PLCZ1: variants seen among roughly 807,000 people sequenced by gnomAD.
PLCZ1 encodes the protein 1-phosphatidylinositol 4,5-bisphosphate phosphodiesterase zeta-1.
Under a neutral mutation model 76.8 loss-of-function variants are expected in PLCZ1, and 64 were observed. That is an observed-to-expected ratio of 0.83 (90% CI 0.68 to 1.03). The LOEUF (loss-of-function observed/expected upper bound fraction) is 1.03, where lower values mean the gene tolerates loss of function less well. Among genes scored for constraint, PLCZ1 ranks in the 50% least tolerant of loss-of-function variants. The pLI is 0.00. For missense variants in PLCZ1, 751 were observed against 713.7 expected (o/e 1.05, Z -0.60); for synonymous variants, 248 against 230.8 (o/e 1.07, Z -0.68).
chr12:18,672,257 A>G, the PLCZ1 span, among the ~76,000 whole-genome samples: 1 of 152,288 alleles, frequency 6.6e-6, no homozygotes, highest in East Asian at 1.9e-4. Context: ...AGAAAATACA[A>G]CTGTCTTATT....
intron 7 of PLCZ1, among the ~76,000 whole-genome samples, chr12:18,703,768 T>C (rs1956241709): frequency 6.6e-6 from 1 of 152,218 alleles, no homozygotes; most frequent in Admixed American, 6.5e-5. Context: ...TACTATTCTT[T>C]GCTGTCTTGT....
chr12:18,668,801 C>A, the PLCZ1 span, among the ~76,000 whole-genome samples: 17 of 152,146 alleles, frequency 1.1e-4, no homozygotes, highest in Non-Finnish European at 2.5e-4. Flanking sequence ...CAGGCCTGCC[C>A]AGCTCTGATA....
At chr12:18,719,006 G>C (rs1958274618) in intron 5 of PLCZ1, among the ~76,000 whole-genome samples, 1 of 152,132 alleles carries the variant, frequency 6.6e-6, no homozygotes, top group Non-Finnish European at 1.5e-5. Context: ...GTTGTACAAT[G>C]TACTGTATTT....
chr12:18,736,053 C>T, intron 3 of PLCZ1, 168 bp downstream of exon 3: 1 of 703,160 alleles, frequency 1.4e-6, no homozygotes, highest in Non-Finnish European at 2.2e-6. Context: ...CAGATTTTCT[C>T]AACAACTAAT....
chr12:18,703,732 C>T (rs946098424), intron 7 of PLCZ1, among the ~76,000 whole-genome samples: 52 of 152,166 alleles, frequency 3.4e-4, no homozygotes, highest in African/African-American at 1.2e-3. Context: ...ACAATTTTCA[C>T]TTTTTCCCAC....
intron 7 of PLCZ1, among the ~76,000 whole-genome samples, chr12:18,703,567 T>C (rs868366723): frequency 1.3e-5 from 2 of 152,312 alleles, no homozygotes; most frequent in African/African-American, 2.4e-5. Context: ...ACCTTAGAGA[T>C]AGAGAACCTT....
chr12:18,650,736 A>C, the PLCZ1 span, among the ~76,000 whole-genome samples: 10 of 29,524 alleles, frequency 3.4e-4, no homozygotes, highest in South Asian at 1.4e-3. Context: ...ATATATATAT[A>C]TATATATATA....
At chr12:18,737,223 G>T in intron 2 of PLCZ1, 138 bp downstream of exon 2, 1 of 931,820 alleles carries the variant, frequency 1.1e-6, no homozygotes, top group Admixed American at 1.9e-5. Flanking sequence ...GAAAAGCTCA[G>T]AACAAACAGG....
intron 10 of PLCZ1, among the ~76,000 whole-genome samples, chr12:18,696,850 T>A (rs1955131250): frequency 1.3e-5 from 2 of 152,148 alleles, no homozygotes; most frequent in Admixed American, 1.3e-4. Context: ...TTTACATGTC[T>A]CCATTGAAAA....
At chr12:18,651,964 C>T in the PLCZ1 span, among the ~76,000 whole-genome samples, 1 of 152,154 alleles carries the variant, frequency 6.6e-6, no homozygotes, top group African/African-American at 2.4e-5. Flanking sequence ...CCAAAAAGCT[C>T]ATCTCTCCAG....
Position 18,723,341 on chromosome 12 carries a change from T to C in PLCZ1, c.337A>G (p.Ile113Val), listed in dbSNP as rs765243398. The C allele has an allele frequency of 2.5e-6, 4 of 1,612,446 alleles. No individual in the cohort carries two copies. Among genetic ancestry groups the C allele is most frequent in the Non-Finnish European group, 3.4e-6 (4 of 1,179,162 alleles). ...TCGATAGGCTCGTATTTCTGAATGA[T>C]CTCAAAAGCAATAGCTTTACTCATC... ...AEMSKAIAFE[I>V]IQKYEPIEEV... Residue 113 changes from isoleucine (I) to valine (V), a missense_variant, in exon 4 of 15, where the codon ATC (isoleucine) becomes GTC (valine). Coordinates refer to ENST00000266505, the MANE Select transcript of PLCZ1 (RefSeq NM_033123.4).
chr12:18,650,293 TTCTCTC>T, the PLCZ1 span, among the ~76,000 whole-genome samples: 5,730 of 87,340 alleles, frequency 0.066, 243 homozygotes, highest in South Asian at 0.14. Flanking sequence ...TAACCCAAAT[TTCTCTC>T]TCTCTCTCTC....
At chr12:18,690,209 TTTTGTTTGTTTG>T (rs112242865) in intron 12 of PLCZ1, among the ~76,000 whole-genome samples, 14 of 151,860 alleles carry the variant, frequency 9.2e-5, no homozygotes, top group Non-Finnish European at 8.8e-5. Context: ...CACATCTGTT[TTTTGTTTGTTTG>T]TTTGTTTGTT....
the PLCZ1 span, among the ~76,000 whole-genome samples, chr12:18,665,326 G>A: frequency 7.2e-5 from 11 of 152,064 alleles, no homozygotes; most frequent in East Asian, 1.7e-3. Flanking sequence ...GTTGTAGAAT[G>A]AGAATGTATT....
chr12:18,665,583 G>A, the PLCZ1 span, among the ~76,000 whole-genome samples: 5 of 152,030 alleles, frequency 3.3e-5, no homozygotes, highest in East Asian at 1.9e-4. Context: ...ACCTGAGGTC[G>A]GGAGTTGGAG....
chr12:18,647,794 T>G, the PLCZ1 span: 1 of 747,722 alleles, frequency 1.3e-6, no homozygotes, highest in South Asian at 3.6e-5. Context: ...GCAGCTAATT[T>G]TTTTTATTAA....
the PLCZ1 span, among the ~76,000 whole-genome samples, chr12:18,650,377 CTGTG>C: frequency 1.0e-4 from 10 of 96,874 alleles, no homozygotes; most frequent in African/African-American, 4.1e-4. Context: ...GTGTGTGTGT[CTGTG>C]TGTCTGTGTA....
chr12:18,690,025 C>T (rs1482856180), intron 12 of PLCZ1, among the ~76,000 whole-genome samples: 1 of 152,140 alleles, frequency 6.6e-6, no homozygotes, highest in Non-Finnish European at 1.5e-5. Flanking sequence ...AGAATACAAA[C>T]GTGGCACTTG....
the PLCZ1 span, among the ~76,000 whole-genome samples, chr12:18,677,494 T>G: frequency 3.3e-5 from 5 of 152,044 alleles, no homozygotes; most frequent in East Asian, 7.7e-4. Flanking sequence ...GAGTTTCCAG[T>G]TCAGGAGGTC....
Sources: allele counts gnomAD v4.1 joint callset (sites outside exome capture counted in the v4.1 genomes callset), GRCh38; gene constraint gnomAD v4.1.1; transcripts MANE v1.5; gene names NCBI Gene and HGNC (gene_info 2026-07-23, HGNC 2026-07-21).